Variants in MTCL2 observed in about 807,000 individuals in gnomAD.
MTCL2 encodes the protein microtubule cross-linking factor 2.
the MTCL2 span, chr20:36,797,102 G>A: frequency 4.0e-6 from 3 of 745,280 alleles, no homozygotes; most frequent in Admixed American, 4.4e-5. Flanking sequence ...GTCAGTTTCT[G>A]GCTGCCCTGC....
At chr20:36,804,774 C>A in the MTCL2 span, 4 of 1,613,970 alleles carry the variant, frequency 2.5e-6, no homozygotes, top group Non-Finnish European at 3.4e-6. Context: ...GCTCTGTCTC[C>A]CAGGTAGCCT....
At chr20:36,794,179 A>G in the MTCL2 span, 7 of 1,549,076 alleles carry the variant, frequency 4.5e-6, no homozygotes, top group Non-Finnish European at 5.2e-6. This position sits in a 1 kb window ranked among gnomAD's most constrained non-coding sequence, Gnocchi z 5.4. Context: ...GCCACCGACC[A>G]TAGGAGCTCT....
the MTCL2 span, among the ~76,000 whole-genome samples, chr20:36,861,629 C>T: frequency 6.6e-6 from 1 of 152,198 alleles, no homozygotes; most frequent in Non-Finnish European, 1.5e-5. Context: ...GGGTGTTGTG[C>T]CAGGCCATCA....
chr20:36,833,427 C>T, the MTCL2 span, among the ~76,000 whole-genome samples: 77 of 152,324 alleles, frequency 5.1e-4, no homozygotes, highest in Non-Finnish European at 9.6e-4. Context: ...CTGTTTACAG[C>T]GCTAGGGCCT....
At chr20:36,806,699 T>C in the MTCL2 span, among the ~76,000 whole-genome samples, 2 of 152,110 alleles carry the variant, frequency 1.3e-5, no homozygotes, top group Non-Finnish European at 1.5e-5. Flanking sequence ...TTTGTATTTT[T>C]AGTAGAGACA....
chr20:36,863,397 C>T, the MTCL2 span: 1 of 1,130,846 alleles, frequency 8.8e-7, no homozygotes. The surrounding 1 kb of genome is among the most constrained non-coding windows in gnomAD (Gnocchi z 6.2). Flanking sequence ...GCCCGCCCGG[C>T]CTCGACGTCC....
chr20:36,836,043 C>G, the MTCL2 span, among the ~76,000 whole-genome samples: 1 of 151,684 alleles, frequency 6.6e-6, no homozygotes, highest in South Asian at 2.1e-4. Context: ...TATTCCCTCC[C>G]CCTCCCCATC....
At chr20:36,862,937 C>T in the MTCL2 span, 1 of 1,383,592 alleles carries the variant, frequency 7.2e-7, no homozygotes, top group Non-Finnish European at 9.4e-7. Flanking sequence ...GCGCCAGCTC[C>T]AGGCCCAGCA....
chr20:36,811,640 A>G, the MTCL2 span, among the ~76,000 whole-genome samples: 1 of 151,946 alleles, frequency 6.6e-6, no homozygotes, highest in South Asian at 2.1e-4. Context: ...AAAAAAAAAA[A>G]ACAAAAAAAA....
At chr20:36,778,544 G>T in the MTCL2 span, 1 of 152,458 alleles carries the variant, frequency 6.6e-6, no homozygotes, top group Non-Finnish European at 1.5e-5. Context: ...TGTCTCCTGG[G>T]CAGCACTAAG....
At chr20:36,841,874 GGTGTGTGTGTGTGTGT>G in the MTCL2 span, among the ~76,000 whole-genome samples, 19 of 110,864 alleles carry the variant, frequency 1.7e-4, no homozygotes, top group African/African-American at 2.3e-4. Flanking sequence ...TGGGGGGTGG[GGTGTGTGTGTGTGTGT>G]GTGTGTGTGT....
the MTCL2 span, among the ~76,000 whole-genome samples, chr20:36,844,810 C>T: frequency 2.0e-5 from 3 of 152,084 alleles, no homozygotes; most frequent in Admixed American, 1.3e-4. Context: ...CATTTGAGGT[C>T]AGGAGTTCGA....
At chr20:36,779,824 C>G in the MTCL2 span, 1 of 152,014 alleles carries the variant, frequency 6.6e-6, no homozygotes, top group Admixed American at 6.6e-5. Context: ...CCTGGGAGGA[C>G]TGAGGGCTGA....
chr20:36,784,097 G>A, the MTCL2 span: 1 of 985,622 alleles, frequency 1.0e-6, no homozygotes, highest in Non-Finnish European at 1.2e-6. Flanking sequence ...GGTCCCACGG[G>A]GATTTCTCCC....
At chr20:36,849,013 G>T in the MTCL2 span, among the ~76,000 whole-genome samples, 1 of 135,320 alleles carries the variant, frequency 7.4e-6, no homozygotes, top group Non-Finnish European at 1.6e-5. Context: ...TTACTATGTT[G>T]TAATTTAAAA....
chr20:36,849,060 C>CTTTTTTTTTTTTTTTTTTTTTTTTT, the MTCL2 span, among the ~76,000 whole-genome samples: 3 of 62,238 alleles, frequency 4.8e-5, no homozygotes, highest in African/African-American at 6.7e-5. Context: ...AGTTGGTTTC[C>CTTTTTTTTTTTTTTTTTTTTTTTTT]TTTTTTTTTT....
the MTCL2 span, chr20:36,784,693 A>G: frequency 2.0e-6 from 2 of 985,522 alleles, no homozygotes; most frequent in South Asian, 9.4e-5. Context: ...AGCCACATCG[A>G]AATCCAACCA....
At chr20:36,796,072 C>G in the MTCL2 span, among the ~76,000 whole-genome samples, 1,004 of 152,308 alleles carry the variant, frequency 6.6e-3, 13 homozygotes, top group African/African-American at 0.023. Flanking sequence ...TCCTGAAATT[C>G]TGTCCCAAAT....
At chr20:36,787,074 G>A in the MTCL2 span, among the ~76,000 whole-genome samples, 1 of 151,630 alleles carries the variant, frequency 6.6e-6, no homozygotes, top group African/African-American at 2.4e-5. Flanking sequence ...CGATCCTCCT[G>A]CCTCAGCCTC....
Sources: gnomAD v4.1 joint callset for allele counts (sites outside exome capture counted in the v4.1 genomes callset) on GRCh38, gnomAD v4.1.1 for gene constraint, Gnocchi (gnomAD v3.1) non-coding constraint, MANE v1.5 for transcripts, NCBI Gene and HGNC (gene_info 2026-07-23, HGNC 2026-07-21) for gene names.